ANKRD26: variants seen among roughly 807,000 people sequenced by gnomAD.
ANKRD26 encodes ankyrin repeat domain-containing protein 26.
In ANKRD26, 141 loss-of-function variants were observed where a neutral mutation model predicts 208.7. The observed-to-expected ratio is 0.68, with a 90% CI of 0.59 to 0.78. The LOEUF (loss-of-function observed/expected upper bound fraction) is 0.78, where lower values mean the gene tolerates loss of function less well. Ranked by LOEUF, ANKRD26 falls within the 30% of genes least tolerant of loss-of-function variation. The pLI is 0.00. For synonymous variants in ANKRD26, 636 were observed against 660.4 expected (o/e 0.96, Z 0.57); for missense variants, 1,889 against 1,938.7 (o/e 0.97, Z 0.48).
the ANKRD26 span, among the ~76,000 whole-genome samples, chr10:26,951,911 A>G: frequency 9.6e-6 from 1 of 104,110 alleles, no homozygotes; most frequent in Non-Finnish European, 2.1e-5. Flanking sequence ...TGCATGCATG[A>G]CTTTCCTACT....
chr10:26,960,557 T>TA, the ANKRD26 span, among the ~76,000 whole-genome samples: 1 of 152,250 alleles, frequency 6.6e-6, no homozygotes, highest in African/African-American at 2.4e-5. Flanking sequence ...TCTGGCTCAC[T>TA]AAATCCTGAC....
intron 4 of ANKRD26, among the ~76,000 whole-genome samples, chr10:27,087,374 T>TTCAGGA (rs1380846027): frequency 6.6e-6 from 1 of 152,236 alleles, no homozygotes; most frequent in Non-Finnish European, 1.5e-5. Context: ...AGAAATGGAA[T>TTCAGGA]AATTTGTTCC....
At chr10:27,044,342 A>C in intron 18 of ANKRD26, 152 bp from the exon 19 acceptor site, 1 of 703,842 alleles carries the variant, frequency 1.4e-6, no homozygotes, top group Non-Finnish European at 2.1e-6. Flanking sequence ...AGGTAATATA[A>C]AAGATAATAA....
chr10:26,959,184 C>T, the ANKRD26 span, among the ~76,000 whole-genome samples: 1 of 151,190 alleles, frequency 6.6e-6, no homozygotes, highest in Non-Finnish European at 1.5e-5. Context: ...GAGGCTGAGG[C>T]ATGAGAATCA....
chr10:26,967,888 C>G, the ANKRD26 span, among the ~76,000 whole-genome samples: 1 of 152,140 alleles, frequency 6.6e-6, no homozygotes, highest in African/African-American at 2.4e-5. Context: ...TACTTCTGGA[C>G]AGCATCCTCT....
chr10:27,024,098 T>C (rs1051223186), intron 28 of ANKRD26, among the ~76,000 whole-genome samples: 2 of 152,102 alleles, frequency 1.3e-5, no homozygotes, highest in East Asian at 1.9e-4. Flanking sequence ...ATTAAAAGAT[T>C]TGAATATCTT....
At chr10:27,040,520 A>G (rs2054199019) in intron 20 of ANKRD26, among the ~76,000 whole-genome samples, 1 of 152,198 alleles carries the variant, frequency 6.6e-6, no homozygotes, top group Non-Finnish European at 1.5e-5. Context: ...CTACACTGAG[A>G]AATGAAGGAC....
intron 1 of ANKRD26, among the ~76,000 whole-genome samples, chr10:27,096,268 C>T (rs1045682669): frequency 6.6e-6 from 1 of 151,964 alleles, no homozygotes; most frequent in African/African-American, 2.4e-5. Context: ...AAAATGCATT[C>T]CCAAATTCAT....
chr10:26,975,906 G>T (rs2052219982), exon 6 of ANKRD26, among the ~76,000 whole-genome samples: 1 of 151,518 alleles, frequency 6.6e-6, no homozygotes, highest in Admixed American at 6.6e-5. Context: ...TACCACAAGG[G>T]TTGTTTTAGT....
chr10:27,033,083 A>AG, intron 25 of ANKRD26, 142 bp downstream of exon 25: 2 of 180,330 alleles, frequency 1.1e-5, no homozygotes, highest in Non-Finnish European at 2.0e-5. Flanking sequence ...ACTCCATCTC[A>AG]AAAAAAAAAA....
Position 27,079,123 on chromosome 10 carries a change from G to T in ANKRD26, c.779C>A (p.Thr260Asn). The part of the protein sequence containing the change: ...GKPGVDDSWP[T>N]SDDEDLNFDT... The stretch of plus-strand genomic sequence containing the variant: ...AAAATTGAGGTCTTCGTCATCTGAG[G>T]TAGGCCATGAATCATCAACACCCGG... Residue 260 changes from threonine to asparagine, a missense_variant, in exon 7 of 34, where the codon ACC becomes AAC. This residue lies in a region of ANKRD26 where 1,272 missense variants were observed against 1,273.8 expected (regional missense o/e 1.00). Coordinates refer to ENST00000376087, the MANE Select transcript of ANKRD26 (RefSeq NM_014915.3). 1 of 1,613,830 alleles carries T rather than the reference G, an allele frequency of 6.2e-7. No individual in the cohort carries two copies. Among genetic ancestry groups the T allele is most frequent in the Non-Finnish European group, 8.5e-7 (1 of 1,179,836 alleles).
At chr10:27,065,480 T>C (rs1278626456) in intron 11 of ANKRD26, among the ~76,000 whole-genome samples, 2 of 152,144 alleles carry the variant, frequency 1.3e-5, no homozygotes, top group Non-Finnish European at 2.9e-5. Context: ...GAAATCCACA[T>C]TCCTGTTCCA....
chr10:26,948,203 A>C, the ANKRD26 span, among the ~76,000 whole-genome samples: 1 of 152,214 alleles, frequency 6.6e-6, no homozygotes, highest in Non-Finnish European at 1.5e-5. Context: ...TGCTTCCCAA[A>C]GTAGAAACAT....
rs775598035 is a variant in ANKRD26, at chr10:27,077,346, G to A, written c.1069C>T (p.Leu357Phe). 23 of 1,612,980 alleles carry A rather than the reference G, an allele frequency of 1.4e-5. No individual in the cohort carries two copies. The African/African-American group carries it at 2.0e-4, about 14-fold the overall frequency. The stretch of plus-strand genomic sequence containing the variant: ...TTTAAAAAACAACTTACCTTCATAA[G>A]ACCAGGGTTTGCTAACGACTTGTGG... ...PSHKSLANPG[L>F]MKEEPTKPGI... Residue 357 changes from leucine to phenylalanine, a missense_variant, in exon 9 of 34, where the codon CTT (leucine) becomes TTT (phenylalanine). By Grantham distance (22) the Leu-to-Phe change is conservative. Coordinates refer to ENST00000376087, the MANE Select transcript of ANKRD26 (RefSeq NM_014915.3).
chr10:27,077,307 C>T lies in ANKRD26; in HGVS notation c.1077+31G>A, dbSNP rs116813683. 1.2e-4 allele frequency: 187 copies of T among 1,539,458 alleles called. 1 individual carries two copies. In the African/African-American group the frequency reaches 2.1e-3, roughly 17 times the overall value. The stretch of plus-strand genomic sequence containing the variant: ...GGATTGTTGGGGCAGGGGAAGGGTA[C>T]ATGAAAAAAGTTTTTTAAAAAACAA... On this transcript the variant is annotated intron_variant, in intron 9 of 33. Transcript: ENST00000376087.
intron 5 of ANKRD26, among the ~76,000 whole-genome samples, chr10:26,976,169 C>G (rs2052223826): frequency 6.6e-6 from 1 of 151,994 alleles, no homozygotes; most frequent in African/African-American, 2.4e-5. Context: ...ACTAACAATT[C>G]CTCATCTTGC....
chr10:27,048,825 C>G lies in ANKRD26; in HGVS notation c.1790G>C (p.Arg597Thr), dbSNP rs370413541. The change falls in exon 17 of 34, where the codon AGG becomes ACG. Residue 597 changes from arginine to threonine, a missense_variant. This residue lies in a region of ANKRD26 where 1,272 missense variants were observed against 1,273.8 expected (regional missense o/e 1.00). Transcript: ENST00000376087. ...CCTAGCATACTCTTTATTTTCCTTC[C>G]TGGGAAATTGCTGATGATCAGTTTC... ...SGETDHQQFP[R>T]KENKEYASSG... The G allele has an allele frequency of 8.8e-5, 142 of 1,612,982 alleles. No individual in the cohort carries two copies. The highest frequency in any genetic ancestry group is 1.1e-4 in the Non-Finnish European group (134 of 1,179,656).
At chr10:27,067,444 C>G (rs2055301408) in intron 9 of ANKRD26, among the ~76,000 whole-genome samples, 158 bp from the exon 10 acceptor site, 1 of 151,746 alleles carries the variant, frequency 6.6e-6, no homozygotes, top group African/African-American at 2.4e-5. Context: ...AAAGAAACAC[C>G]TGACGGGGTA....
At chr10:26,991,329 T>C (rs553482012), downstream of ANKRD26, among the ~76,000 whole-genome samples, 5 of 152,294 alleles carry the variant, frequency 3.3e-5, no homozygotes, top group East Asian at 9.6e-4. Context: ...GGAGGTTTAT[T>C]TGCCAAAATT....
Sources: allele counts gnomAD v4.1 joint callset (sites outside exome capture counted in the v4.1 genomes callset), GRCh38; gene constraint gnomAD v4.1.1; regional missense constraint gnomAD v4.1.1; transcripts MANE v1.5; gene names NCBI Gene and HGNC (gene_info 2026-07-23, HGNC 2026-07-21).